CXXC1: variants seen among roughly 807,000 people sequenced by gnomAD.
The protein encoded by CXXC1 is CXXC finger protein 1, also known as CXXC-type zinc finger protein 1.
In CXXC1, 21 loss-of-function variants were observed where a neutral mutation model predicts 83.6. The observed-to-expected ratio is 0.25, with a 90% CI of 0.18 to 0.36. CXXC1 has a LOEUF of 0.36. Among genes scored for constraint, CXXC1 ranks in the 10% least tolerant of loss-of-function variants. The pLI, the probability that CXXC1 is intolerant of heterozygous loss-of-function variation, is 1.00. For missense variants in CXXC1, 688 were observed against 919.5 expected (o/e 0.75, Z 3.26); for synonymous variants, 371 against 337.5 (o/e 1.10, Z -1.09).
intron 11 of CXXC1, 63 bp from the exon 12 acceptor site, chr18:50,283,627 C>A: frequency 6.2e-7 from 1 of 1,609,548 alleles, no homozygotes; most frequent in South Asian, 1.1e-5. Flanking sequence ...CCCAAGACAC[C>A]ACCCAGACAA....
Position 50,282,944 on chromosome 18 carries a change from G to GTCACCCGTGAGCTCAAAGACA in CXXC1, c.1713_1733dup (p.Val572_Asp578dup). 1 of 1,614,196 alleles carries GTCACCCGTGAGCTCAAAGACA rather than the reference G, an allele frequency of 6.2e-7. No homozygotes were observed. Among genetic ancestry groups the GTCACCCGTGAGCTCAAAGACA allele is most frequent in the Non-Finnish European group, 8.5e-7 (1 of 1,180,042 alleles). On this transcript the variant is annotated inframe_insertion, in exon 14 of 15. Transcript: ENST00000285106. The surrounding 1 kb of genome is among the most constrained non-coding windows in gnomAD (Gnocchi z 5.8). ...ACTGGCGCTTGGGCAGGCGGCAGAA[G>GTCACCCGTGAGCTCAAAGACA]TCACCCGTGAGCTCAAAGACATCAC...
At chr18:50,287,228 C>A in intron 1 of CXXC1, 1 of 502,812 alleles carries the variant, frequency 2.0e-6, no homozygotes, top group East Asian at 3.3e-5. Flanking sequence ...GGCACCCGCA[C>A]CCACCCCCAG....
rs771812548 is a variant in CXXC1, at chr18:50,285,826, G to A, written c.562C>T (p.Arg188Trp). 2.5e-6 allele frequency: 4 copies of A among 1,614,140 alleles called. No individual in the cohort carries two copies. The highest frequency in any genetic ancestry group is 1.1e-5 in the South Asian group (1 of 91,088). The change falls in exon 5 of 15, where the codon CGG becomes TGG. Residue 188 changes from arginine to tryptophan, a missense_variant. Physicochemically the swap from Arg to Trp is moderately radical, Grantham distance 101. Transcript: ENST00000285106. This position sits in a 1 kb window ranked among gnomAD's most constrained non-coding sequence, Gnocchi z 4.4. ...TEDCGHCDFC[R>W]DMKKFGGPNK... ...GGGCCCCCGAACTTCTTCATGTCCC[G>A]ACAGAAATCACAGTGACCACAGTCC...
chr18:50,287,524 G>A (rs1227046940), intron 1 of CXXC1, 63 bp downstream of exon 1: 2 of 1,598,322 alleles, frequency 1.3e-6, no homozygotes. Flanking sequence ...TCGGCCGACA[G>A]ACCCCACTGT....
chr18:50,284,012 C>A lies in CXXC1; in HGVS notation c.1295G>T (p.Arg432Leu). Reference protein sequence around the residue: ...AEEHGKKLLERIRREQQSART... With the variant: ...AEEHGKKLLELIRREQQSART... ...GGCACTCTGCTGCTCTCGGCGAATG[C>A]GTTCGAGCAGCTTCTTGCCGTGCTC... The change falls in exon 10 of 15, where the codon CGC (arginine) becomes CTC (leucine). Residue 432 changes from arginine (R) to leucine (L), a missense_variant. By Grantham distance (102) the Arg-to-Leu change is moderately radical (BLOSUM62 -2). Coordinates refer to ENST00000285106, the MANE Select transcript of CXXC1 (RefSeq NM_014593.4). 6.2e-7 allele frequency: 1 copy of A among 1,612,790 alleles called. No individual in the cohort carries two copies.
chr18:50,284,656 C>T (rs2040683915), intron 8 of CXXC1, 76 bp downstream of exon 8: 1 of 1,609,158 alleles, frequency 6.2e-7, no homozygotes, highest in Non-Finnish European at 8.5e-7. Context: ...GCTCTTGCCC[C>T]ATTCAGCCTC....
intron 9 of CXXC1, 135 bp from the exon 10 acceptor site, chr18:50,284,236 G>T: frequency 2.1e-6 from 3 of 1,429,132 alleles, no homozygotes; most frequent in East Asian, 2.3e-5. Context: ...ACGGGCAGGT[G>T]GGTGGGTAGG....
Position 50,283,826 on chromosome 18 carries a change from T to C in CXXC1, c.1414-11A>G. On this transcript the variant is annotated splice_polypyrimidine_tract_variant and intron_variant, in intron 10 of 14. Transcript: ENST00000285106. ...GTCACCCTCGTTGCTCTGCATGGAA[T>C]GGAAGGAACAATAAGGCTGGGAAGG... is the stretch of plus-strand genomic sequence containing the variant. The C allele has an allele frequency of 6.2e-7, 1 of 1,614,064 alleles. No individual in the cohort carries two copies. The highest frequency in any genetic ancestry group is 8.5e-7 in the Non-Finnish European group (1 of 1,179,898).
In CXXC1 at chr18:50,284,120, G is replaced by A. The variant is rs532239615; in HGVS notation, c.1206-19C>T. 3 of 1,597,068 alleles carry A rather than the reference G, an allele frequency of 1.9e-6. No individual in the cohort carries two copies. The highest frequency in any genetic ancestry group is 3.3e-5 in the Admixed American group (2 of 59,958). On this transcript the variant is annotated intron_variant, in intron 9 of 14. Coordinates refer to ENST00000285106, the MANE Select transcript of CXXC1 (RefSeq NM_014593.4). The stretch of plus-strand genomic sequence containing the variant: ...GATGCGGCTGCAGGGAAGGTAGCAA[G>A]CAACAGAATGAGTGAGGTGATCAGT...
At chr18:50,283,157 C>A in intron 13 of CXXC1, 108 bp downstream of exon 13, 1 of 1,287,336 alleles carries the variant, frequency 7.8e-7, no homozygotes. Context: ...AGCAGGGAAG[C>A]TGAGAGGAAA....
chr18:50,285,178 G>T lies in CXXC1; in HGVS notation c.736C>A (p.Gln246Lys). Residue 246 changes from glutamine (Q) to lysine (K), a missense_variant, in exon 7 of 15, where the codon CAG (glutamine) becomes AAG (lysine). This residue lies in a region of CXXC1 where 190 missense variants were observed against 199.7 expected (regional missense o/e 0.95). Transcript: ENST00000285106. The surrounding 1 kb of genome is among the most constrained non-coding windows in gnomAD (Gnocchi z 4.4). Reference protein sequence around the residue: ...RRPLPTQQQPQPSQKLGRIRE... With the variant: ...RRPLPTQQQPKPSQKLGRIRE... ...ATGCGCCCTAACTTCTGTGATGGCT[G>T]TGGCTGCTGTTGGGTGGGCAGTGGC... The T allele has an allele frequency of 6.2e-7, 1 of 1,614,268 alleles. No individual in the cohort carries two copies. The highest frequency in any genetic ancestry group is 8.5e-7 in the Non-Finnish European group (1 of 1,180,038).
chr18:50,286,450 T>G (rs2040715853), intron 3 of CXXC1, 89 bp downstream of exon 3: 2 of 1,174,872 alleles, frequency 1.7e-6, no homozygotes, highest in African/African-American at 1.5e-5. Context: ...ACCACAGACG[T>G]GTATCACTAA....
chr18:50,283,508 C>T lies in CXXC1; in HGVS notation c.1574+7G>A. ...CCCACCTCTCACTGCGTGGCACCCT[C>T]ACTTACCCTTCAATGCGTGTGGGGT... On this transcript the variant is annotated splice_region_variant and intron_variant, in intron 12 of 14. Transcript: ENST00000285106. 6.2e-7 allele frequency: 1 copy of T among 1,613,912 alleles called. No homozygotes were observed. Among genetic ancestry groups the T allele is most frequent in the Non-Finnish European group, 8.5e-7 (1 of 1,179,900 alleles).
In CXXC1 at chr18:50,285,061, G is replaced by T; in HGVS notation, c.853C>A (p.Pro285Thr). The T allele has an allele frequency of 6.2e-7, 1 of 1,614,266 alleles. No individual in the cohort carries two copies. The highest frequency in any genetic ancestry group is 8.5e-7 in the Non-Finnish European group (1 of 1,180,044). Residue 285 changes from proline (P) to threonine (T), a missense_variant, in exon 7 of 15, where the codon CCT becomes ACT. Transcript: ENST00000285106. This position sits in a 1 kb window ranked among gnomAD's most constrained non-coding sequence, Gnocchi z 4.4. ...TCCTGATACAGGTCAGGATCCAGAG[G>T]TAGGTCCTCATCTGAGAGTGGCTCA... ...TPEPLSDEDLPLDPDLYQDFC... is the reference protein window; with the variant it reads ...TPEPLSDEDLTLDPDLYQDFC...
rs1354749714 is a variant in CXXC1, at chr18:50,286,079, C to G, written c.402G>C (p.Arg134=). ...SGTGVGAMLA[R]GSASPHKSSP... is the part of the protein sequence containing the mutation. The stretch of plus-strand genomic sequence containing the variant: ...AGGATTTGTGGGGCGAAGCAGAGCC[C>G]CGAGCAAGCATGGCCCCAACCCCTG... Residue 134 remains arginine, a synonymous_variant, in exon 4 of 15, where the codon CGG becomes CGC. Transcript: ENST00000285106. 6.2e-7 allele frequency: 1 copy of G among 1,613,980 alleles called. No homozygotes were observed. The highest frequency in any genetic ancestry group is 1.7e-5 in the Admixed American group (1 of 60,022).
chr18:50,286,104 G>C lies in CXXC1; in HGVS notation c.377C>G (p.Thr126Arg). The C allele has an allele frequency of 6.2e-7, 1 of 1,613,982 alleles. No individual in the cohort carries two copies. The highest frequency in any genetic ancestry group is 8.5e-7 in the Non-Finnish European group (1 of 1,179,988). Reference protein sequence around the residue: ...PDLQRRAGSGTGVGAMLARGS... With the variant: ...PDLQRRAGSGRGVGAMLARGS... ...CCGAGCAAGCATGGCCCCAACCCCT[G>C]TCCCTGACCCTGCCCGGCGCTGCAG... The change falls in exon 4 of 15, where the codon ACA becomes AGA. Residue 126 changes from threonine (T) to arginine (R), a missense_variant. By Grantham distance (71) the Thr-to-Arg change is moderately conservative (BLOSUM62 -1). Transcript: ENST00000285106.
rs1191010717 is a variant in CXXC1 at position 50,285,791 on chromosome 18, G to A, written c.597C>T (p.Ile199=). Residue 199 remains isoleucine, a synonymous_variant, in exon 5 of 15, where the codon ATC becomes ATT. Coordinates refer to ENST00000285106, the MANE Select transcript of CXXC1 (RefSeq NM_014593.4). This position sits in a 1 kb window ranked among gnomAD's most constrained non-coding sequence, Gnocchi z 4.4. ...DMKKFGGPNK[I]RQKCRLRQCQ... ...ACTGGCGCAGCCGGCACTTCTGCCG[G>A]ATCTTGTTGGGGCCCCCGAACTTCT... The A allele has an allele frequency of 1.9e-6, 3 of 1,614,070 alleles. No homozygotes were observed. The highest frequency in any genetic ancestry group is 1.7e-5 in the Admixed American group (1 of 60,030).
In CXXC1 at chr18:50,283,792, G is replaced by A. The variant is rs530486510; in HGVS notation, c.1437C>T (p.Asp479=). ...DEESNEGDSD[D]TDLQIFCVSC... is the part of the protein sequence containing the mutation. ...AAACACAGAAGATCTGCAGGTCTGT[G>A]TCATCACTGTCACCCTCGTTGCTCT... The change falls in exon 11 of 15, where the codon GAC becomes GAT. Residue 479 remains aspartate, a synonymous_variant. Transcript: ENST00000285106. The A allele has an allele frequency of 3.2e-5, 52 of 1,614,120 alleles. No homozygotes were observed. Among genetic ancestry groups the A allele is most frequent in the Non-Finnish European group, 3.7e-5 (44 of 1,180,048 alleles).
At position 50,286,824 on chromosome 18, in the gene CXXC1, G is replaced by A. The variant is rs994731395; in HGVS notation, c.38C>T (p.Ala13Val). The A allele has an allele frequency of 1.9e-6, 3 of 1,613,844 alleles. No individual in the cohort carries two copies. The highest frequency in any genetic ancestry group is 2.5e-6 in the Non-Finnish European group (3 of 1,179,842). ...ATTCTCGGACTTGCTGTCCTCCCCG[G>A]CATCTGGAGGCTCTGGGTCTGAACC... ...GDGSDPEPPD[A>V]GEDSKSENGE... Residue 13 changes from alanine to valine, a missense_variant, in exon 2 of 15, where the codon GCC becomes GTC. Physicochemically the swap from Ala to Val is moderately conservative, Grantham distance 64. This residue lies in a region of CXXC1 where 51 missense variants were observed against 48.0 expected (regional missense o/e 1.06). Coordinates refer to ENST00000285106, the MANE Select transcript of CXXC1 (RefSeq NM_014593.4).
Sources: allele counts gnomAD v4.1 joint callset, GRCh38; gene constraint gnomAD v4.1.1; regional missense constraint gnomAD v4.1.1; non-coding constraint Gnocchi (gnomAD v3.1); transcripts MANE v1.5; gene names NCBI Gene and HGNC (gene_info 2026-07-23, HGNC 2026-07-21).